Variants in LRP1B observed in about 807,000 individuals in gnomAD.
LRP1B encodes LDL receptor related protein 1B, also known as low-density lipoprotein receptor-related protein 1B.
In LRP1B, 217 loss-of-function variants were observed where a neutral mutation model predicts 556.6. That is an observed-to-expected ratio of 0.39 (90% confidence interval 0.35 to 0.44). The LOEUF (loss-of-function observed/expected upper bound fraction) is 0.44, where lower values mean the gene tolerates loss of function less well. Ranked by LOEUF, LRP1B falls within the 20% of genes least tolerant of loss-of-function variation. LRP1B has a pLI of 1.00. For synonymous variants in LRP1B, 2,047 were observed against 1,865.8 expected, an observed-to-expected ratio of 1.10 and a Z score of -2.50; for missense variants, 5,053 against 5,620.8, an observed-to-expected ratio of 0.90 and a Z score of 3.23.
chr2:140,696,949 A>G (rs1053385986), intron 41 of LRP1B, among the ~76,000 whole-genome samples: 1 of 152,192 alleles, frequency 6.6e-6, no homozygotes, highest in Non-Finnish European at 1.5e-5. Context: ...TTATTTATAT[A>G]TTCTTTAGAT....
intron 2 of LRP1B, among the ~76,000 whole-genome samples, chr2:141,710,145 A>G (rs768690740): frequency 1.3e-5 from 2 of 152,156 alleles, no homozygotes; most frequent in Non-Finnish European, 2.9e-5. Flanking sequence ...TTTAGTCTAT[A>G]GCAACCAGCA....
intron 3 of LRP1B, among the ~76,000 whole-genome samples, chr2:141,430,133 CA>C (rs1450122714): frequency 1.3e-5 from 2 of 152,002 alleles, no homozygotes; most frequent in Non-Finnish European, 2.9e-5. Context: ...GAAAAGTATA[CA>C]AAGAAGGAAA....
intron 2 of LRP1B, among the ~76,000 whole-genome samples, chr2:141,545,925 T>G (rs1685533643): frequency 6.6e-6 from 1 of 152,158 alleles, no homozygotes; most frequent in African/African-American, 2.4e-5. Context: ...GAACACGTGT[T>G]GAACTTCTGA....
chr2:141,243,664 A>G (rs1284082627), intron 5 of LRP1B, among the ~76,000 whole-genome samples: 2 of 152,152 alleles, frequency 1.3e-5, no homozygotes, highest in African/African-American at 4.8e-5. Flanking sequence ...TTCTTTTGGA[A>G]ATTACTTTTT....
At chr2:141,496,217 A>G (rs1378758830) in intron 2 of LRP1B, among the ~76,000 whole-genome samples, 1 of 151,792 alleles carries the variant, frequency 6.6e-6, no homozygotes, top group Non-Finnish European at 1.5e-5. Context: ...CTGAATTTGT[A>G]TGTATGTGTC....
intron 10 of LRP1B, among the ~76,000 whole-genome samples, chr2:141,050,690 C>T (rs910281349): frequency 2.0e-5 from 3 of 152,038 alleles, no homozygotes; most frequent in Admixed American, 1.3e-4. Flanking sequence ...TAGAATAAAA[C>T]CTAGGGAATA....
At position 140,598,615 on chromosome 2, in the gene LRP1B, T is replaced by C. The variant is rs370458217; in HGVS notation, c.7194+16A>G. The C allele has an allele frequency of 6.3e-7, 1 of 1,592,618 alleles. No individual in the cohort carries two copies. The highest frequency in any genetic ancestry group is 1.7e-5 in the Admixed American group (1 of 59,876). On this transcript the variant is annotated intron_variant, in intron 43 of 90. Transcript: ENST00000389484. ...ATTGTATAACTCTATAACCAAGAAA[T>C]TCCTGATTAACTTACATGTCTCTGG...
chr2:140,874,119 T>TA (rs935200090), intron 25 of LRP1B, among the ~76,000 whole-genome samples: 5 of 152,188 alleles, frequency 3.3e-5, no homozygotes, highest in East Asian at 3.9e-4. Flanking sequence ...AATTTATTTT[T>TA]AAAAAAACAA....
At chr2:140,324,945 A>G (rs192325637) in intron 80 of LRP1B, among the ~76,000 whole-genome samples, 39 of 151,916 alleles carry the variant, frequency 2.6e-4, no homozygotes, top group Non-Finnish European at 5.3e-4. Flanking sequence ...GCACAATAAA[A>G]ATTTGATTTA....
chr2:141,282,457 C>T (rs951363454), intron 3 of LRP1B, among the ~76,000 whole-genome samples: 4 of 74,558 alleles, frequency 5.4e-5, no homozygotes, highest in East Asian at 8.6e-4. Context: ...TTGGGCCTCT[C>T]GGGGGTTTTA....
At chr2:140,309,760 T>G (rs912395354) in intron 83 of LRP1B, among the ~76,000 whole-genome samples, 1 of 151,826 alleles carries the variant, frequency 6.6e-6, no homozygotes, top group South Asian at 2.1e-4. Flanking sequence ...TACAAAAGTA[T>G]AAAGAAAGAT....
At chr2:141,437,676 G>A (rs980999734) in intron 3 of LRP1B, among the ~76,000 whole-genome samples, 1 of 151,660 alleles carries the variant, frequency 6.6e-6, no homozygotes, top group African/African-American at 2.4e-5. Context: ...AAACTGCATT[G>A]GTATTGAGAA....
rs559195482 is a variant in LRP1B at position 141,451,429 on chromosome 2, A to G, written c.343+28967T>C. Among the ~76,000 whole-genome samples the G allele has an allele frequency of 1.4e-4, 22 of 152,338 alleles. No individual in the cohort carries two copies. The South Asian group carries it at 4.6e-3, about 32-fold the overall frequency. ...TACACTATAATAATTGTAAATGTAA[A>G]GCAACCTAGTTACATTGACATCAAA... On this transcript the variant is annotated intron_variant, in intron 3 of 90. Transcript: ENST00000389484.
rs151006147 is a variant in LRP1B, at chr2:141,906,923, G to A, written c.83-96522C>T. ...AGAGCCACCTAGAGGCACAAAAATC[G>A]TCCCATGTTTCCCATTTTGGCAGAG... On this transcript the variant is annotated intron_variant, in intron 1 of 90. Coordinates refer to ENST00000389484, the MANE Select transcript of LRP1B (RefSeq NM_018557.3). Among the ~76,000 whole-genome samples, 484 of 152,074 alleles carry A rather than the reference G, an allele frequency of 3.2e-3. 5 individuals are homozygous for A. The highest frequency in any genetic ancestry group is 0.011 in the African/African-American group (451 of 41,536).
intron 62 of LRP1B, among the ~76,000 whole-genome samples, chr2:140,454,906 TC>T (rs984117767): frequency 2.0e-5 from 3 of 152,168 alleles, no homozygotes; most frequent in African/African-American, 7.2e-5. Context: ...TATTAAGTCA[TC>T]GCCACTGTAG....
chr2:140,377,308 C>G (rs1024749704), intron 68 of LRP1B, among the ~76,000 whole-genome samples: 1 of 152,130 alleles, frequency 6.6e-6, no homozygotes, highest in African/African-American at 2.4e-5. Flanking sequence ...TCCTCCTGAC[C>G]TCGTGATCCA....
chr2:140,300,970 T>C (rs1214301076), intron 83 of LRP1B, among the ~76,000 whole-genome samples: 1 of 152,166 alleles, frequency 6.6e-6, no homozygotes, highest in East Asian at 1.9e-4. Flanking sequence ...TCTACCAAGG[T>C]ACTTAACAGT....
chr2:141,775,866 G>A (rs1488153054), intron 2 of LRP1B, among the ~76,000 whole-genome samples: 13 of 144,374 alleles, frequency 9.0e-5, no homozygotes, highest in African/African-American at 1.8e-4. Flanking sequence ...TTTCTGAGAC[G>A]GAGTCTTGCT....
At chr2:141,342,382 G>T (rs1688098976) in intron 3 of LRP1B, among the ~76,000 whole-genome samples, 1 of 151,914 alleles carries the variant, frequency 6.6e-6, no homozygotes, top group Admixed American at 6.6e-5. Flanking sequence ...AACTTTGGTT[G>T]CAATCTTCAG....
Sources: gnomAD v4.1 joint callset for allele counts (sites outside exome capture counted in the v4.1 genomes callset) on GRCh38, gnomAD v4.1.1 for gene constraint, MANE v1.5 for transcripts, NCBI Gene and HGNC (gene_info 2026-07-23, HGNC 2026-07-21) for gene names.